The following PLXDC2 variants were observed in gnomAD, a reference collection of about 807,000 sequenced individuals.
PLXDC2 encodes plexin domain-containing protein 2.
A neutral mutation model predicts 68.9 loss-of-function variants in PLXDC2; 40 were observed. The ratio of observed to expected loss-of-function variants is 0.58; its 90% CI spans 0.45 to 0.76. The LOEUF (loss-of-function observed/expected upper bound fraction) is 0.76, where lower values mean the gene tolerates loss of function less well. Among genes scored for constraint, PLXDC2 ranks in the 30% least tolerant of loss-of-function variants. PLXDC2 has a pLI of 0.00. For synonymous variants in PLXDC2, 243 were observed against 234.2 expected (o/e 1.04, Z -0.34); for missense variants, 644 against 661.9 (o/e 0.97, Z 0.30).
intron 2 of PLXDC2, 141 bp downstream of exon 2, chr10:20,002,127 A>G (rs111394266): frequency 8.5e-6 from 7 of 819,620 alleles, no homozygotes; most frequent in African/African-American, 5.2e-5. Flanking sequence ...TAATTCGTTA[A>G]TAAATATAAT....
chr10:19,984,185 C>A (rs1834598179), intron 1 of PLXDC2, among the ~76,000 whole-genome samples: 1 of 152,198 alleles, frequency 6.6e-6, no homozygotes, highest in Non-Finnish European at 1.5e-5. Flanking sequence ...CCATCGTGTA[C>A]CCCTATCTCA....
At position 19,816,773 on chromosome 10, in the gene PLXDC2, CA is replaced by C. The variant is rs1836350086; in HGVS notation, c.-306del. 2.1e-6 allele frequency: 1 copy of C among 474,222 alleles called. No individual in the cohort carries two copies. Among genetic ancestry groups the C allele is most frequent in the Non-Finnish European group, 3.8e-6 (1 of 264,298 alleles). The allele number at this position is 474,222 out of a possible 1,614,324, so 29.4% of individuals were successfully genotyped here. A position where few individuals can be genotyped will look rare whatever the true frequency, so the allele number is the denominator to read the frequency against. On this transcript the variant is annotated 5_prime_UTR_variant, in exon 1 of 14. Coordinates refer to ENST00000377252, the MANE Select transcript of PLXDC2 (RefSeq NM_032812.9). ...GTTGGCGCTGCCCGAGTGGAACCGA[CA>C]GTTTGCGAGCCTCGGCTGCAAGTGG...
At chr10:20,247,644 C>A (rs1835618223) in intron 13 of PLXDC2, among the ~76,000 whole-genome samples, 1 of 152,164 alleles carries the variant, frequency 6.6e-6, no homozygotes, top group South Asian at 2.1e-4. Context: ...ACACCCCTAC[C>A]TTTCTCTGGC....
intron 2 of PLXDC2, among the ~76,000 whole-genome samples, chr10:20,031,722 C>T (rs912209257): frequency 7.2e-5 from 11 of 152,046 alleles, no homozygotes; most frequent in Non-Finnish European, 1.0e-4. Flanking sequence ...CATCAACAAC[C>T]GTGTGTGGAA....
intron 1 of PLXDC2, among the ~76,000 whole-genome samples, chr10:19,906,751 G>A (rs1055158342): frequency 6.6e-6 from 1 of 152,062 alleles, no homozygotes. Context: ...ACTTAATGCT[G>A]TGTACGTGTG....
At chr10:19,955,074 A>ATTTTT (rs750051734) in intron 1 of PLXDC2, among the ~76,000 whole-genome samples, 3 of 99,290 alleles carry the variant, frequency 3.0e-5, no homozygotes, top group East Asian at 3.0e-4. Context: ...CCTTTCACTG[A>ATTTTT]TTTTTTTTTT....
At chr10:19,959,209 C>T (rs1834118261) in intron 1 of PLXDC2, among the ~76,000 whole-genome samples, 1 of 152,118 alleles carries the variant, frequency 6.6e-6, no homozygotes. Flanking sequence ...CTGATAAGCC[C>T]TTTTTCTTAA....
chr10:20,208,975 T>C (rs2131855142), intron 9 of PLXDC2, among the ~76,000 whole-genome samples: 1 of 151,880 alleles, frequency 6.6e-6, no homozygotes, highest in Middle Eastern at 3.4e-3. Context: ...GCCACAGAGA[T>C]CACATGCTTC....
intron 12 of PLXDC2, among the ~76,000 whole-genome samples, chr10:20,223,978 T>G (rs1835252939): frequency 7.5e-6 from 1 of 133,212 alleles, no homozygotes; most frequent in Admixed American, 7.1e-5. Context: ...ATGTATTTTT[T>G]TTTTTTTTTT....
At chr10:20,054,459 G>C (rs1236105099) in intron 3 of PLXDC2, among the ~76,000 whole-genome samples, 4 of 151,978 alleles carry the variant, frequency 2.6e-5, no homozygotes, top group Non-Finnish European at 5.9e-5. Flanking sequence ...AGAATGGGTA[G>C]AGATATAGGT....
intron 13 of PLXDC2, among the ~76,000 whole-genome samples, chr10:20,256,437 A>G (rs1338351822): frequency 9.9e-6 from 1 of 101,430 alleles, no homozygotes; most frequent in Non-Finnish European, 2.5e-5. Flanking sequence ...CAGGCCCCCC[A>G]AACTTTTTTT....
intron 1 of PLXDC2, among the ~76,000 whole-genome samples, chr10:19,963,848 CA>C (rs1459578581): frequency 6.7e-6 from 1 of 148,618 alleles, no homozygotes; most frequent in Non-Finnish European, 1.5e-5. Flanking sequence ...AAAAAAAAAA[CA>C]AAAAACAAGC....
intron 2 of PLXDC2, among the ~76,000 whole-genome samples, chr10:20,027,091 A>C (rs966546159): frequency 1.6e-5 from 2 of 126,718 alleles, no homozygotes; most frequent in Non-Finnish European, 1.6e-5. Context: ...AATATATAGA[A>C]TACACTTTTA....
chr10:19,887,322 AC>A (rs1294511288), intron 1 of PLXDC2, among the ~76,000 whole-genome samples: 1 of 152,148 alleles, frequency 6.6e-6, no homozygotes, highest in African/African-American at 2.4e-5. Flanking sequence ...GGAGTTCGAG[AC>A]CATCCTGGCC....
At chr10:19,881,253 T>G (rs1370717454) in intron 1 of PLXDC2, among the ~76,000 whole-genome samples, 1 of 152,080 alleles carries the variant, frequency 6.6e-6, no homozygotes, top group Non-Finnish European at 1.5e-5. Flanking sequence ...GTAGCTGGGA[T>G]TACAGACATG....
intron 6 of PLXDC2, among the ~76,000 whole-genome samples, chr10:20,162,332 G>A (rs1188096042): frequency 6.6e-6 from 1 of 152,110 alleles, no homozygotes; most frequent in South Asian, 2.1e-4. Flanking sequence ...CCAGTTGATA[G>A]CAGTATAAGC....
chr10:20,207,073 G>T (rs950952460), intron 9 of PLXDC2, among the ~76,000 whole-genome samples: 1 of 152,018 alleles, frequency 6.6e-6, no homozygotes, highest in African/African-American at 2.4e-5. Context: ...TGCTAAAATG[G>T]CTGGATCCAG....
chr10:19,873,781 T>A (rs1339908610), intron 1 of PLXDC2, among the ~76,000 whole-genome samples: 1 of 152,234 alleles, frequency 6.6e-6, no homozygotes, highest in Non-Finnish European at 1.5e-5. Context: ...ATCACAAAGA[T>A]CTATTTCCAC....
In PLXDC2 at chr10:20,202,894, T is replaced by C. The variant is rs555296385; in HGVS notation, c.1062-8775T>C. Among the ~76,000 whole-genome samples, 76 of 152,286 alleles carry C rather than the reference T, an allele frequency of 5.0e-4. 3 individuals carry two copies. The South Asian group carries it at 0.015, about 30-fold the overall frequency. On this transcript the variant is annotated intron_variant, in intron 9 of 13. Coordinates refer to ENST00000377252, the MANE Select transcript of PLXDC2 (RefSeq NM_032812.9). ...GTCCCATTGTGTAACTGGCTTTGTTTTAATGCATCGCAATTTCAACTTGTA... is the reference window on the plus strand; with the variant it reads ...GTCCCATTGTGTAACTGGCTTTGTTCTAATGCATCGCAATTTCAACTTGTA...
Sources: allele counts gnomAD v4.1 joint callset (sites outside exome capture counted in the v4.1 genomes callset), GRCh38; gene constraint gnomAD v4.1.1; transcripts MANE v1.5; gene names NCBI Gene and HGNC (gene_info 2026-07-23, HGNC 2026-07-21).